The following CX3CR1 variants were observed in gnomAD, a reference collection of about 807,000 sequenced individuals.
CX3CR1 encodes C-X3-C motif chemokine receptor 1, also known as CX3C chemokine receptor 1.
For synonymous variants in CX3CR1, 168 were observed against 178.5 expected (o/e 0.94, Z 0.47); for missense variants, 363 against 432.4 (o/e 0.84, Z 1.42).
At position 39,263,597 on chromosome 3, in the gene CX3CR1, A is replaced by G. The variant is rs1230904137; in HGVS notation, c.*1845T>C. The G allele has an allele frequency of 1.3e-5, 2 of 152,260 alleles. No homozygotes were observed. The highest frequency in any genetic ancestry group is 2.9e-5 in the Non-Finnish European group (2 of 68,042). The allele number at this position is 152,260 out of a possible 1,614,324, so 9.4% of individuals were successfully genotyped here. ...TTGGGGTACATGATCTTGAAGGAAC[A>G]TGACTTATTCTCTCATTCATTATAC... On this transcript the variant is annotated 3_prime_UTR_variant, in exon 2 of 2. Coordinates refer to ENST00000399220, the MANE Select transcript of CX3CR1 (RefSeq NM_001337.4).
upstream of CX3CR1, among the ~76,000 whole-genome samples, chr3:39,283,230 T>C (rs962186334): frequency 1.3e-5 from 2 of 152,220 alleles, no homozygotes; most frequent in Middle Eastern, 3.4e-3. Context: ...TGTGAGGAGT[T>C]TGAGACAAGG....
intron 1 of CX3CR1, among the ~76,000 whole-genome samples, chr3:39,273,307 GCCA>G (rs1575209133): frequency 6.6e-6 from 1 of 152,218 alleles, no homozygotes; most frequent in African/African-American, 2.4e-5. Flanking sequence ...TGCTCCTCTA[GCCA>G]CCACTAGGTG....
At chr3:39,280,053 A>G (rs1450283141), upstream of CX3CR1, 18 of 984,804 alleles carry the variant, frequency 1.8e-5, no homozygotes, top group Non-Finnish European at 2.2e-5. Flanking sequence ...CTTCCCTCTA[A>G]GAGCATTTTA....
chr3:39,283,779 C>CAAAAA (rs58482042), upstream of CX3CR1, among the ~76,000 whole-genome samples: 4 of 41,024 alleles, frequency 9.8e-5, no homozygotes, highest in Non-Finnish European at 9.3e-5. Context: ...GACTCCATCT[C>CAAAAA]AAAAAAAAAA....
At chr3:39,286,955 T>G in the CX3CR1 span, 1 of 152,248 alleles carries the variant, frequency 6.6e-6, no homozygotes, top group African/African-American at 2.4e-5. Context: ...AGCAGATATT[T>G]GGCTGCCGTT....
At chr3:39,277,688 C>G (rs1347256178) in intron 1 of CX3CR1, among the ~76,000 whole-genome samples, 1 of 152,182 alleles carries the variant, frequency 6.6e-6, no homozygotes, top group East Asian at 1.9e-4. Context: ...TGTGCCATAG[C>G]TGCCTAGGGC....
chr3:39,283,810 T>A (rs1294981819), upstream of CX3CR1, among the ~76,000 whole-genome samples: 1 of 58,952 alleles, frequency 1.7e-5, no homozygotes, highest in African/African-American at 9.0e-5. Flanking sequence ...TATATATATA[T>A]ATATATATAT....
intron 1 of CX3CR1, 88 bp from the exon 2 acceptor site, chr3:39,266,606 G>C: frequency 1.5e-6 from 2 of 1,325,894 alleles, no homozygotes; most frequent in South Asian, 2.4e-5. Context: ...AGGCAGGCAG[G>C]AAGAAACAAA....
At chr3:39,284,174 T>C (rs1035283749), upstream of CX3CR1, among the ~76,000 whole-genome samples, 23 of 152,022 alleles carry the variant, frequency 1.5e-4, no homozygotes, top group African/African-American at 5.5e-4. Flanking sequence ...AACCATTGTC[T>C]AAGTTTTTTT....
chr3:39,292,715 G>C, the CX3CR1 span, among the ~76,000 whole-genome samples: 1 of 152,206 alleles, frequency 6.6e-6, no homozygotes, highest in South Asian at 2.1e-4. Flanking sequence ...GCTCAGAAAA[G>C]CTGAGTGTCT....
At chr3:39,281,197 G>A, upstream of CX3CR1, 17 of 1,023,434 alleles carry the variant, frequency 1.7e-5, no homozygotes, top group Non-Finnish European at 2.0e-5. Context: ...TCCACCAGCA[G>A]TTTTCTTTCT....
chr3:39,279,030 T>A (rs1255317749), intron 1 of CX3CR1, among the ~76,000 whole-genome samples: 1 of 152,132 alleles, frequency 6.6e-6, no homozygotes, highest in Non-Finnish European at 1.5e-5. Flanking sequence ...CGGTGGTACA[T>A]GCCTATAATC....
chr3:39,291,194 T>G, the CX3CR1 span, among the ~76,000 whole-genome samples: 1 of 151,790 alleles, frequency 6.6e-6, no homozygotes, highest in African/African-American at 2.4e-5. Flanking sequence ...GTAGCTGGGA[T>G]TACAAGGGCC....
At chr3:39,273,083 C>T (rs4423707) in intron 1 of CX3CR1, among the ~76,000 whole-genome samples, 14,418 of 152,276 alleles carry the variant, frequency 0.095, 690 homozygotes, top group Middle Eastern at 0.12. Context: ...CTCCTTGCAC[C>T]GCACAATGCT....
the CX3CR1 span, among the ~76,000 whole-genome samples, chr3:39,290,736 A>G: frequency 6.6e-6 from 1 of 152,110 alleles, no homozygotes; most frequent in Non-Finnish European, 1.5e-5. Context: ...CCTGGCCAAC[A>G]TAGTGAAACC....
chr3:39,267,215 G>A (rs1311230424), intron 1 of CX3CR1, among the ~76,000 whole-genome samples: 1 of 152,006 alleles, frequency 6.6e-6, no homozygotes, highest in African/African-American at 2.4e-5. Context: ...GGAGGGGGGT[G>A]AGATGGGGTG....
upstream of CX3CR1, chr3:39,281,846 T>G (rs2040904285): frequency 3.2e-6 from 2 of 620,584 alleles, no homozygotes; most frequent in South Asian, 1.9e-5. Context: ...CAGGACGTGA[T>G]TTTACCCTCT....
chr3:39,275,245 G>A (rs1289378022), intron 1 of CX3CR1, among the ~76,000 whole-genome samples: 1 of 152,150 alleles, frequency 6.6e-6, no homozygotes, highest in Non-Finnish European at 1.5e-5. Flanking sequence ...AGCTTTATGA[G>A]CTAAGCTAGT....
chr3:39,283,695 G>A (rs528059597), upstream of CX3CR1, among the ~76,000 whole-genome samples: 13 of 149,536 alleles, frequency 8.7e-5, no homozygotes, highest in Admixed American at 5.3e-4. Flanking sequence ...CAGGAGAATC[G>A]CTTGAAACCG....
Sources: gnomAD v4.1 joint callset for allele counts (sites outside exome capture counted in the v4.1 genomes callset) on GRCh38, gnomAD v4.1.1 for gene constraint, MANE v1.5 for transcripts, NCBI Gene and HGNC (gene_info 2026-07-23, HGNC 2026-07-21) for gene names.